The following PHAF1 variants were observed in gnomAD, a reference collection of about 807,000 sequenced individuals.
The protein encoded by PHAF1 is phagophore assembly factor 1, also known as phagosome assembly factor 1.
A neutral mutation model predicts 63.1 loss-of-function variants in PHAF1; 23 were observed. The ratio of observed to expected loss-of-function variants is 0.36; its 90% CI spans 0.26 to 0.52. PHAF1 has a LOEUF of 0.52. PHAF1 is among the 20% of genes least tolerant of loss of function. The pLI is 0.93. For synonymous variants in PHAF1, 167 were observed against 185.0 expected (o/e 0.90, Z 0.79); for missense variants, 427 against 517.2 (o/e 0.83, Z 1.69).
In PHAF1 at chr16:67,132,844, A is replaced by G. The variant is rs757061777; in HGVS notation, c.383A>G (p.His128Arg). The change falls in exon 6 of 16, where the codon CAT becomes CGT. Residue 128 changes from histidine to arginine, a missense_variant. Transcript: ENST00000219139. ...GVYNSAEQLF[H>R]LNFRGLSFSF... ...TACAACTCCGCTGAGCAGCTCTTCC[A>G]TCTCAACTTCAGAGGACTGTCTTTC... The G allele has an allele frequency of 1.9e-6, 3 of 1,613,748 alleles. No homozygotes were observed. Among genetic ancestry groups the G allele is most frequent in the African/African-American group, 1.3e-5 (1 of 75,026 alleles).
At chr16:67,111,050 G>A (rs1166841256) in intron 1 of PHAF1, among the ~76,000 whole-genome samples, 2 of 152,236 alleles carry the variant, frequency 1.3e-5, no homozygotes, top group South Asian at 2.1e-4. Context: ...TCCTGACCTC[G>A]TGATCCGCCC....
intron 4 of PHAF1, chr16:67,132,146 T>G: frequency 4.2e-6 from 1 of 237,972 alleles, no homozygotes; most frequent in African/African-American, 2.3e-5. Flanking sequence ...TGTCTTTTAG[T>G]TTTACTGGGG....
chr16:67,119,894 G>T (rs1253998756), intron 1 of PHAF1, among the ~76,000 whole-genome samples: 1 of 152,028 alleles, frequency 6.6e-6, no homozygotes, highest in Non-Finnish European at 1.5e-5. Context: ...CAAAGAGTTG[G>T]ACACCTGTGC....
intron 2 of PHAF1, among the ~76,000 whole-genome samples, chr16:67,120,646 A>C (rs74519192): frequency 0.021 from 3,138 of 151,134 alleles, 102 homozygotes; most frequent in African/African-American, 0.072. Flanking sequence ...TCACCCCTTT[A>C]TCTCTCTCAA....
intron 3 of PHAF1, 22 bp from the exon 4 acceptor site, chr16:67,131,264 C>A: frequency 6.7e-7 from 1 of 1,489,410 alleles, no homozygotes; most frequent in Non-Finnish European, 9.1e-7. Context: ...AGAGCATTGA[C>A]AACTCTTAAA....
Position 67,109,960 on chromosome 16 carries a change from T to G in PHAF1, c.-216T>G, listed in dbSNP as rs993879865. On this transcript the variant is annotated 5_prime_UTR_variant, in exon 1 of 16. Transcript: ENST00000219139. Reference sequence around the variant, plus strand: ...TTTACTGCAGTCGCGCCCGCCGCCGTCGTTGCCCCCGCTGCCGCGGCTGCT... The same window carrying G: ...TTTACTGCAGTCGCGCCCGCCGCCGGCGTTGCCCCCGCTGCCGCGGCTGCT... 6 of 523,242 alleles carry G rather than the reference T, an allele frequency of 1.1e-5. No individual in the cohort carries two copies. Among genetic ancestry groups the G allele is most frequent in the Non-Finnish European group, 2.0e-5 (6 of 298,280 alleles). 32.4% of individuals were successfully genotyped at this position (523,242 alleles called of 1,614,324 possible). A position where few individuals can be genotyped will look rare whatever the true frequency, so the allele number is the denominator to read the frequency against.
intron 9 of PHAF1, among the ~76,000 whole-genome samples, 167 bp downstream of exon 9, chr16:67,140,284 G>A (rs976887914): frequency 1.3e-5 from 2 of 152,096 alleles, no homozygotes; most frequent in Non-Finnish European, 2.9e-5. Flanking sequence ...CCCTGACTCT[G>A]TCCCTCTCCA....
chr16:67,113,554 A>C, intron 1 of PHAF1, among the ~76,000 whole-genome samples: 1 of 136,140 alleles, frequency 7.3e-6, no homozygotes. Flanking sequence ...GGTTCATGCC[A>C]TTCTTCTGCC....
intron 1 of PHAF1, among the ~76,000 whole-genome samples, chr16:67,116,885 G>A (rs1962755037): frequency 2.6e-5 from 4 of 152,164 alleles, no homozygotes; most frequent in Admixed American, 2.6e-4. Context: ...TGGGTGGTTA[G>A]CTCTGAGCAG....
At chr16:67,126,567 A>T (rs1436412186) in intron 3 of PHAF1, among the ~76,000 whole-genome samples, 1 of 150,426 alleles carries the variant, frequency 6.6e-6, no homozygotes, top group Non-Finnish European at 1.5e-5. Flanking sequence ...GTTTGAGTCC[A>T]GTCTGGTTTT....
chr16:67,123,599 G>A (rs959654988), intron 2 of PHAF1, among the ~76,000 whole-genome samples: 1 of 151,956 alleles, frequency 6.6e-6, no homozygotes, highest in Non-Finnish European at 1.5e-5. Flanking sequence ...TAGAGACAGG[G>A]TCTCATTATA....
chr16:67,137,649 T>C (rs893920304), intron 8 of PHAF1, among the ~76,000 whole-genome samples: 6 of 152,140 alleles, frequency 3.9e-5, no homozygotes, highest in African/African-American at 1.4e-4. Flanking sequence ...AATTGAGATG[T>C]GGCAGCAAAG....
chr16:67,136,554 C>CTTTTTTTTTT (rs34174571), intron 8 of PHAF1, among the ~76,000 whole-genome samples: 2 of 60,474 alleles, frequency 3.3e-5, no homozygotes, highest in African/African-American at 1.9e-4. Context: ...GCATTGATTC[C>CTTTTTTTTTT]TTTTTTTTTT....
chr16:67,133,461 G>A lies in PHAF1; in HGVS notation c.450+550G>A, dbSNP rs555010679. ...CTTGAGGTCAGGAGTTCGAGACCACGTTGGCCAACATGGTGAAACCCTGTC... is the reference window on the plus strand; with the variant it reads ...CTTGAGGTCAGGAGTTCGAGACCACATTGGCCAACATGGTGAAACCCTGTC... On this transcript the variant is annotated intron_variant, in intron 6 of 15. Coordinates refer to ENST00000219139, the MANE Select transcript of PHAF1 (RefSeq NM_025187.5). Among the ~76,000 whole-genome samples the A allele has an allele frequency of 1.4e-4, 20 of 141,744 alleles. No individual in the cohort carries two copies. In the South Asian group the frequency reaches 1.6e-3, roughly 11 times the overall value. The allele number at this position is 141,744 out of a possible 152,430, so 93.0% of individuals were successfully genotyped here. A position where few individuals can be genotyped will look rare whatever the true frequency, so the allele number is the denominator to read the frequency against.
At chr16:67,146,233 C>T (rs929111850) in intron 14 of PHAF1, 45 bp from the exon 15 acceptor site, 24 of 1,550,308 alleles carry the variant, frequency 1.5e-5, no homozygotes, top group Middle Eastern at 3.4e-4. Flanking sequence ...GCTTTAAGGC[C>T]GTGGCCTCTG....
At chr16:67,112,689 C>T (rs969852534) in intron 1 of PHAF1, among the ~76,000 whole-genome samples, 1 of 152,166 alleles carries the variant, frequency 6.6e-6, no homozygotes, top group African/African-American at 2.4e-5. Context: ...CAAGGGTTTA[C>T]ACAGTTCTTA....
Position 67,144,856 on chromosome 16 carries a change from A to G in PHAF1, c.985A>G (p.Ile329Val), listed in dbSNP as rs752549798. ...FNIYHRCEFK[I>V]PLAIKKENAD... The stretch of plus-strand genomic sequence containing the variant: ...TAGTTATCATCGCTGTGAGTTCAAG[A>G]TCCCACTAGCCATAAAGAAAGGTGA... Residue 329 changes from isoleucine to valine, a missense_variant, in exon 12 of 16, where the codon ATC becomes GTC. Ile to Val is a conservative substitution (Grantham distance 29, BLOSUM62 3). Transcript: ENST00000219139. 5 of 1,614,108 alleles carry G rather than the reference A, an allele frequency of 3.1e-6. No homozygotes were observed. The highest frequency in any genetic ancestry group is 2.5e-6 in the Non-Finnish European group (3 of 1,179,998).
intron 8 of PHAF1, among the ~76,000 whole-genome samples, chr16:67,137,332 G>GT (rs1963647910): frequency 6.6e-6 from 1 of 151,958 alleles, no homozygotes; most frequent in South Asian, 2.1e-4. Flanking sequence ...TGTTGTTGTT[G>GT]TTTTTTGACA....
intron 1 of PHAF1, among the ~76,000 whole-genome samples, chr16:67,118,539 G>A (rs145987698): frequency 3.3e-5 from 5 of 151,116 alleles, no homozygotes; most frequent in South Asian, 2.1e-4. Flanking sequence ...GTTTCACCAC[G>A]TTGGCTAGGT....
Sources: allele counts gnomAD v4.1 joint callset (sites outside exome capture counted in the v4.1 genomes callset), GRCh38; gene constraint gnomAD v4.1.1; transcripts MANE v1.5; gene names NCBI Gene and HGNC (gene_info 2026-07-23, HGNC 2026-07-21).